PAAF1: variants seen among roughly 807,000 people sequenced by gnomAD.
The protein encoded by PAAF1 is proteasomal ATPase associated factor 1.
Under a neutral mutation model 52.8 loss-of-function variants are expected in PAAF1, and 46 were observed. The observed-to-expected ratio is 0.87, with a 90% CI of 0.69 to 1.11. The LOEUF is 1.11. PAAF1 is among the 50% of genes most tolerant of loss of function. PAAF1 has a pLI of 0.00. For missense variants in PAAF1, 424 were observed against 477.4 expected, an observed-to-expected ratio of 0.89 and a Z score of 1.04; for synonymous variants, 178 against 172.8, an observed-to-expected ratio of 1.03 and a Z score of -0.24.
intron 10 of PAAF1, chr11:73,921,596 G>A (rs950379914): frequency 5.3e-5 from 33 of 625,544 alleles, no homozygotes; most frequent in East Asian, 3.7e-4. Context: ...CAAAAGATTC[G>A]TATATCTTGC....
At chr11:73,904,213 T>A (rs953654032) in intron 6 of PAAF1, among the ~76,000 whole-genome samples, 1 of 151,958 alleles carries the variant, frequency 6.6e-6, no homozygotes, top group Non-Finnish European at 1.5e-5. Context: ...AAGGTTTCTG[T>A]GTATGCTGAA....
At chr11:73,899,408 CT>C (rs71065053) in intron 5 of PAAF1, among the ~76,000 whole-genome samples, 164 bp downstream of exon 5, 2,933 of 101,190 alleles carry the variant, frequency 0.029, 19 homozygotes, top group African/African-American at 0.054. Context: ...TTCTTTTTCT[CT>C]TTTTTTTTTT....
intron 10 of PAAF1, chr11:73,921,520 G>C (rs1950216892): frequency 3.7e-5 from 19 of 518,722 alleles, no homozygotes; most frequent in Non-Finnish European, 7.2e-5. Context: ...CCAAATTCTT[G>C]ATCAAGAGTT....
chr11:73,899,053 G>T, intron 4 of PAAF1, 93 bp from the exon 5 acceptor site: 1 of 984,244 alleles, frequency 1.0e-6, no homozygotes, highest in Non-Finnish European at 1.5e-6. Context: ...AGGAAGTCTT[G>T]GAAGAGTGAA....
At chr11:73,900,595 TA>T (rs2135175889) in intron 6 of PAAF1, among the ~76,000 whole-genome samples, 175 bp downstream of exon 6, 1 of 152,336 alleles carries the variant, frequency 6.6e-6, no homozygotes, top group South Asian at 2.1e-4. Flanking sequence ...ACAGTCTTTT[TA>T]TTGCTATCTT....
At chr11:73,924,918 C>T (rs138861338) in intron 11 of PAAF1, among the ~76,000 whole-genome samples, 1,593 of 151,764 alleles carry the variant, frequency 0.01, 32 homozygotes, top group African/African-American at 0.035. Flanking sequence ...TTTGGGAGGC[C>T]GAGACAGGTG....
chr11:73,923,692 T>C (rs1415802424), intron 10 of PAAF1, among the ~76,000 whole-genome samples: 1 of 152,180 alleles, frequency 6.6e-6, no homozygotes, highest in East Asian at 1.9e-4. Flanking sequence ...TGCACTACCA[T>C]GCTCGGCTAA....
intron 4 of PAAF1, among the ~76,000 whole-genome samples, chr11:73,895,722 T>C (rs537321907): frequency 2.2e-4 from 33 of 152,372 alleles, no homozygotes; most frequent in African/African-American, 7.7e-4. Flanking sequence ...CAGCTGGTTG[T>C]TTTTTAATAA....
intron 11 of PAAF1, among the ~76,000 whole-genome samples, chr11:73,926,878 TGAG>T (rs1439743191): frequency 6.6e-6 from 1 of 152,180 alleles, no homozygotes; most frequent in South Asian, 2.1e-4. Context: ...CTGTTTTCCT[TGAG>T]GAGTTGATGA....
At chr11:73,907,051 C>A (rs1273391171) in intron 6 of PAAF1, among the ~76,000 whole-genome samples, 5 of 151,036 alleles carry the variant, frequency 3.3e-5, no homozygotes, top group African/African-American at 1.2e-4. Context: ...CTTTTTTTTT[C>A]CAGATATATT....
chr11:73,906,399 C>A (rs537868463), intron 6 of PAAF1, among the ~76,000 whole-genome samples: 1 of 152,132 alleles, frequency 6.6e-6, no homozygotes, highest in South Asian at 2.1e-4. Flanking sequence ...ATTACAGGCA[C>A]CTGCCACCAC....
chr11:73,919,047 C>T lies in PAAF1; in HGVS notation c.1018+15C>T. ...TGCTAGCCAAGGTGGGTCCATGGGC[C>T]AATTGAGAGAGATGCTTCTCTGTAG... On this transcript the variant is annotated intron_variant, in intron 10 of 11. Transcript: ENST00000310571. The T allele has an allele frequency of 6.3e-7, 1 of 1,593,024 alleles. No individual in the cohort carries two copies.
chr11:73,927,169 C>G, intron 11 of PAAF1, 116 bp from the exon 12 acceptor site: 1 of 758,412 alleles, frequency 1.3e-6, no homozygotes, highest in Non-Finnish European at 2.3e-6. Flanking sequence ...AATTCTGTTG[C>G]CTTCATAAAG....
chr11:73,921,447 C>T (rs1375159673), intron 10 of PAAF1, among the ~76,000 whole-genome samples: 2 of 151,854 alleles, frequency 1.3e-5, no homozygotes, highest in Non-Finnish European at 2.9e-5. Context: ...TCTTACTAAG[C>T]GCCAGCTTAA....
At chr11:73,888,951 A>G (rs1949132092) in intron 3 of PAAF1, 7 of 482,058 alleles carry the variant, frequency 1.5e-5, no homozygotes, top group Middle Eastern at 2.9e-4. Context: ...TTCTTTTACC[A>G]TAACAATCCT....
chr11:73,876,989 C>T, upstream of PAAF1: 1 of 1,511,602 alleles, frequency 6.6e-7, no homozygotes, highest in South Asian at 1.3e-5. Flanking sequence ...CGGGAAGGGG[C>T]GGAAGAGGTG....
At position 73,894,738 on chromosome 11, in the gene PAAF1, C is replaced by T. The variant is rs189402247; in HGVS notation, c.282+3537C>T. On this transcript the variant is annotated intron_variant, in intron 4 of 11. Transcript: ENST00000310571. ...ACTCCGGAGGCTAAGGCACAAGAAT[C>T]GCTTGAACCCAGGAGGCAGAGGTTG... 1.5e-4 allele frequency among the ~76,000 whole-genome samples: 23 copies of T among 152,234 alleles called. No homozygotes were observed. In the East Asian group the frequency reaches 4.0e-3, roughly 27 times the overall value.
intron 2 of PAAF1, chr11:73,886,933 T>A (rs1949077281): frequency 2.6e-6 from 1 of 388,634 alleles, no homozygotes; most frequent in African/African-American, 2.1e-5. Flanking sequence ...AGAAAGCTGA[T>A]TGTTAAAAAG....
chr11:73,876,775 G>A (rs1367160943), upstream of PAAF1: 2 of 379,666 alleles, frequency 5.3e-6, no homozygotes, highest in African/African-American at 2.1e-5. Flanking sequence ...TGGGAGAAGA[G>A]GGCCCGAACG....
Sources: allele counts gnomAD v4.1 joint callset (sites outside exome capture counted in the v4.1 genomes callset), GRCh38; gene constraint gnomAD v4.1.1; transcripts MANE v1.5; gene names NCBI Gene and HGNC (gene_info 2026-07-23, HGNC 2026-07-21).